Variants in GARS1 observed in about 807,000 individuals in gnomAD.
GARS1 encodes the protein glycyl-tRNA synthetase 1, also known as glycine--tRNA ligase.
In GARS1, 46 loss-of-function variants were observed where a neutral mutation model predicts 86.4. That is an observed-to-expected ratio of 0.53 (90% CI 0.42 to 0.68). The LOEUF (loss-of-function observed/expected upper bound fraction) is 0.68. GARS1 is among the 30% of genes least tolerant of loss of function. The pLI is 0.00. For synonymous variants in GARS1, 342 were observed against 329.8 expected (o/e 1.04, Z -0.40); for missense variants, 797 against 915.6 (o/e 0.87, Z 1.67).
At chr7:30,625,879 C>G (rs1015398055) in intron 12 of GARS1, among the ~76,000 whole-genome samples, 1 of 152,200 alleles carries the variant, frequency 6.6e-6, no homozygotes, top group East Asian at 1.9e-4. Flanking sequence ...TTTTTACCAG[C>G]AGGCCTATTT....
chr7:30,595,370 C>G (rs1314253948), intron 1 of GARS1, among the ~76,000 whole-genome samples: 1 of 152,164 alleles, frequency 6.6e-6, no homozygotes, highest in East Asian at 1.9e-4. Flanking sequence ...TTGGATGACT[C>G]CCTGGAACCC....
intron 6 of GARS1, among the ~76,000 whole-genome samples, chr7:30,609,057 G>T (rs191681122): frequency 6.6e-6 from 1 of 152,310 alleles, no homozygotes; most frequent in Admixed American, 6.5e-5. Flanking sequence ...CAATACACTG[G>T]AAAATGCTGA....
intron 13 of GARS1, chr7:30,626,909 A>G: frequency 3.1e-6 from 1 of 320,714 alleles, no homozygotes; most frequent in East Asian, 9.4e-5. Context: ...TGAACCCGGG[A>G]GGTGGAGGTT....
At chr7:30,626,607 T>G (rs1218027597) in intron 13 of GARS1, among the ~76,000 whole-genome samples, 1 of 152,200 alleles carries the variant, frequency 6.6e-6, no homozygotes, top group East Asian at 1.9e-4. Flanking sequence ...TGCCTTCGCG[T>G]CCCAAAGTGC....
At chr7:30,600,156 A>G in intron 3 of GARS1, 107 bp downstream of exon 3, 1 of 810,910 alleles carries the variant, frequency 1.2e-6, no homozygotes, top group Non-Finnish European at 2.1e-6. Flanking sequence ...ATCAGGCCAC[A>G]AAGCAGAGGA....
rs749336250 is a variant in GARS1, at chr7:30,621,054, C to CT, written c.1360-322dup. Among the ~76,000 whole-genome samples, 445 of 128,706 alleles carry CT rather than the reference C, an allele frequency of 3.5e-3. 3 individuals carry two copies. Among genetic ancestry groups the CT allele is most frequent in the East Asian group, 8.4e-3 (40 of 4,738 alleles). 84.4% of individuals were successfully genotyped at this position (128,706 alleles called of 152,430 possible). A position where few individuals can be genotyped will look rare whatever the true frequency, so the allele number is the denominator to read the frequency against. ...GTGTGAATTATATATTTTTTTCTTT[C>CT]TTTTTTTTTTTTTTTTTAAGATAGG... On this transcript the variant is annotated intron_variant, in intron 10 of 16. Coordinates refer to ENST00000389266, the MANE Select transcript of GARS1 (RefSeq NM_002047.4).
rs759277467 is a variant in GARS1, at chr7:30,616,026, C to A, written c.1162C>A (p.Arg388=). The change falls in exon 9 of 17, where the codon CGG becomes AGG. Residue 388 remains arginine, a synonymous_variant. Coordinates refer to ENST00000389266, the MANE Select transcript of GARS1 (RefSeq NM_002047.4). Reference sequence around the variant, plus strand: ...AGCCCAGGTCAGCGGACAGTCCGCTCGGAAAATGCGCCTGGGAGATGCTGT... The same window carrying A: ...AGCCCAGGTCAGCGGACAGTCCGCTAGGAAAATGCGCCTGGGAGATGCTGT... ...AKAQVSGQSA[R]KMRLGDAVEQ... is the part of the protein sequence containing the mutation. The A allele has an allele frequency of 6.2e-7, 1 of 1,614,012 alleles. No homozygotes were observed. The highest frequency in any genetic ancestry group is 1.3e-5 in the African/African-American group (1 of 74,894).
chr7:30,624,046 G>A (rs1783073788), intron 12 of GARS1, among the ~76,000 whole-genome samples: 1 of 152,180 alleles, frequency 6.6e-6, no homozygotes. Flanking sequence ...GGCCCAGGAT[G>A]GCTTTTGATG....
intron 7 of GARS1, among the ~76,000 whole-genome samples, chr7:30,611,643 C>T (rs759146847): frequency 6.6e-6 from 1 of 152,114 alleles, no homozygotes; most frequent in Non-Finnish European, 1.5e-5. Context: ...TGCCACCACG[C>T]CTGGCTAATT....
chr7:30,617,752 T>TTA (rs1340084101), intron 10 of GARS1, among the ~76,000 whole-genome samples: 1 of 152,180 alleles, frequency 6.6e-6, no homozygotes, highest in Non-Finnish European at 1.5e-5. Flanking sequence ...TGTTATGTAT[T>TTA]TAACTCAAAA....
chr7:30,603,613 C>A, intron 6 of GARS1, 41 bp downstream of exon 6: 4 of 1,400,698 alleles, frequency 2.9e-6, no homozygotes, highest in South Asian at 2.3e-5. Flanking sequence ...CCTAGGTGGT[C>A]GCTGTCCTTC....
rs776528885 is a variant in GARS1, at chr7:30,616,023, G to A, written c.1159G>A (p.Ala387Thr). 3.4e-5 allele frequency: 55 copies of A among 1,614,176 alleles called. No individual in the cohort carries two copies. Among genetic ancestry groups the A allele is most frequent in the Non-Finnish European group, 4.0e-5 (47 of 1,180,030 alleles). Residue 387 changes from alanine to threonine, a missense_variant, in exon 9 of 17, where the codon GCT (alanine) becomes ACT (threonine). By Grantham distance (58) the Ala-to-Thr change is moderately conservative (BLOSUM62 0). This residue lies in a region of GARS1 where 598 missense variants were observed against 738.7 expected (regional missense o/e 0.81). Coordinates refer to ENST00000389266, the MANE Select transcript of GARS1 (RefSeq NM_002047.4). ...AAAAGCCCAGGTCAGCGGACAGTCC[G>A]CTCGGAAAATGCGCCTGGGAGATGC... ...SAKAQVSGQSARKMRLGDAVE... is the reference protein window; with the variant it reads ...SAKAQVSGQSTRKMRLGDAVE...
intron 3 of GARS1, among the ~76,000 whole-genome samples, chr7:30,600,687 GA>G (rs1420084582): frequency 2.6e-5 from 4 of 152,118 alleles, no homozygotes; most frequent in Non-Finnish European, 5.9e-5. Context: ...AAATACCCAG[GA>G]AAAAATTAGA....
chr7:30,610,681 T>A (rs571369843), intron 7 of GARS1, among the ~76,000 whole-genome samples: 5 of 152,340 alleles, frequency 3.3e-5, no homozygotes, highest in Non-Finnish European at 7.3e-5. Flanking sequence ...ACATTCCATT[T>A]CTGGGAATTG....
chr7:30,604,516 C>A (rs1169043604), intron 6 of GARS1, among the ~76,000 whole-genome samples: 1 of 149,784 alleles, frequency 6.7e-6, no homozygotes, highest in Non-Finnish European at 1.5e-5. Context: ...CACTGTTGTC[C>A]TAATTTTTTT....
Position 30,595,022 on chromosome 7 carries a change from G to T in GARS1, c.101G>T (p.Arg34Leu). ...GCCCGACCCTCGCTCCTGCTCCGCC[G>T]GTCCCTCAGCGCGGCCTCCTGCCCC... ...LLARPSLLLR[R>L]SLSAASCPPI... The change falls in exon 1 of 17, where the codon CGG becomes CTG. Residue 34 changes from arginine (R) to leucine (L), a missense_variant. By Grantham distance (102) the Arg-to-Leu change is moderately radical. Coordinates refer to ENST00000389266, the MANE Select transcript of GARS1 (RefSeq NM_002047.4). 1.3e-6 allele frequency: 2 copies of T among 1,578,838 alleles called. No individual in the cohort carries two copies. The highest frequency in any genetic ancestry group is 1.3e-5 in the African/African-American group (1 of 74,596).
In GARS1 at chr7:30,625,133, G is replaced by A. The variant is rs991704374; in HGVS notation, c.1614-1101G>A. Among the ~76,000 whole-genome samples, 22 of 152,194 alleles carry A rather than the reference G, an allele frequency of 1.4e-4. No homozygotes were observed. In the South Asian group the frequency reaches 2.1e-3, roughly 14 times the overall value. ...AATTTTTTGTATTTTTAGTAGAGACGGGGTTTCACCTTGTTGACCAGGCTG... is the reference window on the plus strand; with the variant it reads ...AATTTTTTGTATTTTTAGTAGAGACAGGGTTTCACCTTGTTGACCAGGCTG... On this transcript the variant is annotated intron_variant, in intron 12 of 16. Transcript: ENST00000389266.
At chr7:30,598,065 A>C (rs1350143142) in intron 1 of GARS1, among the ~76,000 whole-genome samples, 2 of 152,234 alleles carry the variant, frequency 1.3e-5, no homozygotes, top group South Asian at 4.1e-4. Context: ...ACTGAGAAGA[A>C]TGGTCAGAGA....
chr7:30,620,507 C>T (rs1484577710), intron 10 of GARS1, among the ~76,000 whole-genome samples: 5 of 152,186 alleles, frequency 3.3e-5, no homozygotes, highest in Non-Finnish European at 7.4e-5. Flanking sequence ...GCACCTCCTC[C>T]TAATACCATC....
Sources: gnomAD v4.1 joint callset for allele counts (sites outside exome capture counted in the v4.1 genomes callset) on GRCh38, gnomAD v4.1.1 for gene constraint, gnomAD v4.1.1 regional missense constraint, MANE v1.5 for transcripts, NCBI Gene and HGNC (gene_info 2026-07-23, HGNC 2026-07-21) for gene names.